The following SMPD3 variants were observed in gnomAD, a reference collection of about 807,000 sequenced individuals.
The protein encoded by SMPD3 is nSMase-2.
Under a neutral mutation model 55.7 loss-of-function variants are expected in SMPD3, and 21 were observed. That is an observed-to-expected ratio of 0.38 (90% CI 0.27 to 0.54). The LOEUF is 0.54. SMPD3 is among the 20% of genes least tolerant of loss of function. The pLI is 0.80. For missense variants in SMPD3, 842 were observed against 899.6 expected, an observed-to-expected ratio of 0.94 and a Z score of 0.82; for synonymous variants, 457 against 404.3, an observed-to-expected ratio of 1.13 and a Z score of -1.56.
At chr16:68,406,735 T>G (rs1023164605) in intron 1 of SMPD3, among the ~76,000 whole-genome samples, 8 of 152,248 alleles carry the variant, frequency 5.3e-5, no homozygotes, top group African/African-American at 1.9e-4. Context: ...GTTCATTTTA[T>G]TTGAGTTCTT....
rs552334978 is a variant in SMPD3 at position 68,404,446 on chromosome 16, T to C, written c.-268-17787A>G. Among the ~76,000 whole-genome samples, 211 of 152,254 alleles carry C rather than the reference T, an allele frequency of 1.4e-3. No homozygotes were observed. The highest frequency in any genetic ancestry group is 2.2e-3 in the Non-Finnish European group (151 of 68,004). ...GTCCTGAACTCCTGGGCTCAAGGGA[T>C]TCGCTTGCCTTGGCCTCCCAGGCAT... On this transcript the variant is annotated intron_variant, in intron 1 of 8. Transcript: ENST00000219334. This position sits in a 1 kb window ranked among gnomAD's most constrained non-coding sequence, Gnocchi z 4.0.
chr16:68,413,139 T>C (rs1030653203), intron 1 of SMPD3, among the ~76,000 whole-genome samples: 3 of 152,264 alleles, frequency 2.0e-5, no homozygotes, highest in African/African-American at 4.8e-5. Flanking sequence ...AATGAGGCTT[T>C]GCTGGATGCA....
intron 2 of SMPD3, among the ~76,000 whole-genome samples, chr16:68,382,977 T>C (rs1233721231): frequency 6.6e-6 from 1 of 152,196 alleles, no homozygotes; most frequent in Non-Finnish European, 1.5e-5. Context: ...CCCGAGTATC[T>C]GGGATTACAG....
In SMPD3 at chr16:68,370,917, C is replaced by A. The variant is rs757691939; in HGVS notation, c.1265G>T (p.Cys422Phe). ...RYPIMDVAYH[C>F]YPNKCNDDAL... Reference sequence around the variant, plus strand: ...ATCGTCGTTACACTTGTTGGGGTAACAGTGATAGGCCACGTCCATGATGGG... The same window carrying A: ...ATCGTCGTTACACTTGTTGGGGTAAAAGTGATAGGCCACGTCCATGATGGG... The change falls in exon 3 of 9, where the codon TGT becomes TTT. Residue 422 changes from cysteine to phenylalanine, a missense_variant. By Grantham distance (205) the Cys-to-Phe change is radical (BLOSUM62 -2). Transcript: ENST00000219334. 3.7e-6 allele frequency: 6 copies of A among 1,614,056 alleles called. No homozygotes were observed. Among genetic ancestry groups the A allele is most frequent in the Non-Finnish European group, 8.5e-7 (1 of 1,180,032 alleles).
chr16:68,407,535 A>G (rs992967418), intron 1 of SMPD3, among the ~76,000 whole-genome samples: 1 of 152,084 alleles, frequency 6.6e-6, no homozygotes, highest in Non-Finnish European at 1.5e-5. Flanking sequence ...AGTCTTTGCT[A>G]TGTTGGCCAA....
rs767683379 is a variant in SMPD3 at position 68,358,577 on chromosome 16, T to A, written c.*2629A>T. ...AATACAGAAATTAAAAAAGTTTTTA[T>A]AACAGTATTTCTAAATCTCAGCAAG... On this transcript the variant is annotated 3_prime_UTR_variant, in exon 9 of 9. Transcript: ENST00000219334. 3.3e-5 allele frequency: 5 copies of A among 152,674 alleles called. No homozygotes were observed. The highest frequency in any genetic ancestry group is 7.3e-5 in the Non-Finnish European group (5 of 68,040). The allele number at this position is 152,674 out of a possible 1,614,324, so 9.5% of individuals were successfully genotyped here. A position where few individuals can be genotyped will look rare whatever the true frequency, so the allele number is the denominator to read the frequency against.
chr16:68,430,569 G>T (rs985279543), intron 1 of SMPD3, among the ~76,000 whole-genome samples: 1 of 152,094 alleles, frequency 6.6e-6, no homozygotes. Flanking sequence ...AGTTCAGCAT[G>T]CTGAGTTTGG....
At chr16:68,379,779 G>A (rs2089906364) in intron 2 of SMPD3, among the ~76,000 whole-genome samples, 1 of 152,256 alleles carries the variant, frequency 6.6e-6, no homozygotes, top group South Asian at 2.1e-4. Flanking sequence ...TGTGATTTCT[G>A]AGAATAGGAA....
At chr16:68,436,210 T>G (rs1321647482) in intron 1 of SMPD3, among the ~76,000 whole-genome samples, 2 of 152,202 alleles carry the variant, frequency 1.3e-5, no homozygotes, top group Non-Finnish European at 2.9e-5. Context: ...ATATCCAAGT[T>G]CATGCAATAG....
intron 1 of SMPD3, among the ~76,000 whole-genome samples, chr16:68,395,137 G>C (rs1290477155): frequency 1.3e-5 from 2 of 152,034 alleles, no homozygotes; most frequent in Non-Finnish European, 2.9e-5. Context: ...GTGTGGACTG[G>C]GGGCACATAA....
At chr16:68,434,063 G>A (rs1255113228) in intron 1 of SMPD3, among the ~76,000 whole-genome samples, 2 of 151,990 alleles carry the variant, frequency 1.3e-5, no homozygotes, top group Non-Finnish European at 2.9e-5. Flanking sequence ...TAATTATATT[G>A]TATACATAAA....
At chr16:68,435,962 T>G (rs944265436) in intron 1 of SMPD3, among the ~76,000 whole-genome samples, 1 of 152,176 alleles carries the variant, frequency 6.6e-6, no homozygotes. Context: ...ACCAGAATCT[T>G]AGCTAATCCT....
At chr16:68,397,724 C>T (rs1390106077) in intron 1 of SMPD3, among the ~76,000 whole-genome samples, 1 of 152,174 alleles carries the variant, frequency 6.6e-6, no homozygotes, top group African/African-American at 2.4e-5. Context: ...CCTGGAATTC[C>T]ACGCCTTGCT....
intron 2 of SMPD3, among the ~76,000 whole-genome samples, chr16:68,375,985 G>C (rs765818797): frequency 2.6e-5 from 4 of 152,166 alleles, no homozygotes; most frequent in African/African-American, 9.7e-5. Flanking sequence ...TCCTGTGTGC[G>C]GCCCCTGCCT....
intron 1 of SMPD3, among the ~76,000 whole-genome samples, chr16:68,426,483 T>C (rs1400773926): frequency 6.6e-6 from 1 of 152,194 alleles, no homozygotes; most frequent in Admixed American, 6.5e-5. Flanking sequence ...GCTGACCTAG[T>C]AGCTTGTCCC....
At chr16:68,435,931 C>T (rs190783302) in intron 1 of SMPD3, among the ~76,000 whole-genome samples, 2 of 152,334 alleles carry the variant, frequency 1.3e-5, no homozygotes, top group African/African-American at 4.8e-5. Flanking sequence ...CTGCACCCCA[C>T]AAACACCAAG....
intron 1 of SMPD3, among the ~76,000 whole-genome samples, chr16:68,401,870 T>G (rs1308714890): frequency 6.6e-6 from 1 of 152,218 alleles, no homozygotes; most frequent in African/African-American, 2.4e-5. Flanking sequence ...TTATCCTCAC[T>G]TGTCATGGCT....
At chr16:68,387,302 C>T (rs57243342) in intron 1 of SMPD3, among the ~76,000 whole-genome samples, 3,016 of 152,160 alleles carry the variant, frequency 0.02, 129 homozygotes, top group African/African-American at 0.068. Flanking sequence ...GTGAACCCAG[C>T]GGGGTCTTTG....
intron 1 of SMPD3, among the ~76,000 whole-genome samples, chr16:68,392,630 G>C (rs1459797168): frequency 3.3e-5 from 5 of 152,120 alleles, no homozygotes; most frequent in Non-Finnish European, 7.4e-5. Flanking sequence ...GGGAGGCCAA[G>C]GTAGGAGGAT....
Sources: allele counts gnomAD v4.1 joint callset (sites outside exome capture counted in the v4.1 genomes callset), GRCh38; gene constraint gnomAD v4.1.1; non-coding constraint Gnocchi (gnomAD v3.1); transcripts MANE v1.5; gene names NCBI Gene and HGNC (gene_info 2026-07-23, HGNC 2026-07-21).